The following CNTNAP2 variants were observed in gnomAD, a reference collection of about 807,000 sequenced individuals.
CNTNAP2 encodes the protein contactin-associated protein-like 2.
A neutral mutation model predicts 155.2 loss-of-function variants in CNTNAP2; 98 were observed. That is an observed-to-expected ratio of 0.63 (90% confidence interval 0.54 to 0.75). The LOEUF (loss-of-function observed/expected upper bound fraction) is 0.75. Among genes scored for constraint, CNTNAP2 ranks in the 30% least tolerant of loss-of-function variants. CNTNAP2 has a pLI of 0.00. For synonymous variants in CNTNAP2, 651 were observed against 631.2 expected (o/e 1.03, Z -0.47); for missense variants, 1,727 against 1,688.1 (o/e 1.02, Z -0.40).
At chr7:148,249,857 G>A (rs1392997447) in intron 20 of CNTNAP2, among the ~76,000 whole-genome samples, 1 of 152,126 alleles carries the variant, frequency 6.6e-6, no homozygotes, top group Non-Finnish European at 1.5e-5. Flanking sequence ...CTGCTGCTCG[G>A]GCTCCAGACT....
At chr7:146,791,578 G>T (rs572094676) in intron 2 of CNTNAP2, among the ~76,000 whole-genome samples, 1 of 152,332 alleles carries the variant, frequency 6.6e-6, no homozygotes, top group South Asian at 2.1e-4. Flanking sequence ...GAAGCACACA[G>T]TCAGTGGTTA....
At chr7:147,875,725 C>T (rs1799411019) in intron 13 of CNTNAP2, among the ~76,000 whole-genome samples, 1 of 152,016 alleles carries the variant, frequency 6.6e-6, no homozygotes, top group Non-Finnish European at 1.5e-5. Context: ...GACTCTGTCT[C>T]TACAAAAATA....
chr7:147,886,849 T>C (rs1385888591), intron 13 of CNTNAP2, among the ~76,000 whole-genome samples: 1 of 152,188 alleles, frequency 6.6e-6, no homozygotes, highest in African/African-American at 2.4e-5. Flanking sequence ...TGACATTTCT[T>C]TCAAAATGTT....
intron 14 of CNTNAP2, among the ~76,000 whole-genome samples, chr7:147,952,699 T>G (rs941950290): frequency 9.2e-5 from 14 of 152,070 alleles, no homozygotes; most frequent in African/African-American, 3.4e-4. Context: ...AATATGCACA[T>G]ACACACACAG....
intron 3 of CNTNAP2, among the ~76,000 whole-genome samples, chr7:147,010,507 C>T (rs372222501): frequency 3.3e-5 from 5 of 151,988 alleles, no homozygotes; most frequent in African/African-American, 1.2e-4. Context: ...AAGGAAATAC[C>T]AGAGGATGAT....
intron 9 of CNTNAP2, among the ~76,000 whole-genome samples, chr7:147,307,908 G>A (rs1018385564): frequency 3.9e-5 from 6 of 152,140 alleles, no homozygotes; most frequent in African/African-American, 1.4e-4. Context: ...TGTTCATGTT[G>A]AGGTAGTGAA....
chr7:146,265,012 G>A (rs1459757336), intron 1 of CNTNAP2, among the ~76,000 whole-genome samples: 1 of 152,150 alleles, frequency 6.6e-6, no homozygotes, highest in African/African-American at 2.4e-5. Flanking sequence ...ATACTTTAGG[G>A]GCTGAAAGGA....
intron 6 of CNTNAP2, 118 bp from the exon 7 acceptor site, chr7:147,128,575 T>C: frequency 8.9e-7 from 1 of 1,125,488 alleles, no homozygotes; most frequent in Non-Finnish European, 1.3e-6. Context: ...GGCAGAATGC[T>C]ATAATATTTG....
At chr7:148,279,747 T>G (rs1796939554) in intron 21 of CNTNAP2, among the ~76,000 whole-genome samples, 1 of 152,074 alleles carries the variant, frequency 6.6e-6, no homozygotes, top group South Asian at 2.1e-4. Context: ...TCAGAATATA[T>G]CTCCATTATA....
chr7:148,371,991 G>A (rs1004999541), intron 21 of CNTNAP2, among the ~76,000 whole-genome samples: 3 of 152,076 alleles, frequency 2.0e-5, no homozygotes, highest in Non-Finnish European at 4.4e-5. Flanking sequence ...ACAAGGTCAG[G>A]AGATCGAGAC....
intron 4 of CNTNAP2, among the ~76,000 whole-genome samples, chr7:147,048,380 G>A (rs1799409381): frequency 6.6e-6 from 1 of 152,168 alleles, no homozygotes; most frequent in Non-Finnish European, 1.5e-5. Flanking sequence ...TTTCTCTGGA[G>A]GGAATGTGAT....
intron 1 of CNTNAP2, among the ~76,000 whole-genome samples, chr7:146,480,113 T>C (rs1476387157): frequency 1.3e-5 from 2 of 152,160 alleles, no homozygotes; most frequent in East Asian, 3.9e-4. Context: ...CCTCTGGGAA[T>C]GAGGTAATGA....
chr7:146,925,128 T>C (rs1243900124), intron 3 of CNTNAP2, among the ~76,000 whole-genome samples: 2 of 152,116 alleles, frequency 1.3e-5, no homozygotes, highest in Non-Finnish European at 2.9e-5. Context: ...GAGAATATAA[T>C]AATATATGCA....
chr7:147,071,306 T>TTTATA (rs1799886770), intron 4 of CNTNAP2, among the ~76,000 whole-genome samples: 1 of 148,320 alleles, frequency 6.7e-6, no homozygotes, highest in Non-Finnish European at 1.5e-5. Flanking sequence ...AGCTAACAGG[T>TTTATA]ATAAAGCAGA....
chr7:147,001,798 A>AAAAATAAACAAAAT (rs1356944893), intron 3 of CNTNAP2, among the ~76,000 whole-genome samples: 1 of 152,058 alleles, frequency 6.6e-6, no homozygotes, highest in Non-Finnish European at 1.5e-5. Flanking sequence ...AACACTGAAT[A>AAAAATAAACAAAAT]AAAAAGAAAC....
intron 1 of CNTNAP2, among the ~76,000 whole-genome samples, chr7:146,289,401 AACAG>A (rs1800392992): frequency 1.3e-5 from 2 of 152,326 alleles, no homozygotes; most frequent in South Asian, 2.1e-4. Flanking sequence ...CATGGGAATT[AACAG>A]ACAATGAAAA....
chr7:147,364,741 C>G (rs867816293), intron 9 of CNTNAP2, among the ~76,000 whole-genome samples: 1 of 151,592 alleles, frequency 6.6e-6, no homozygotes, highest in Non-Finnish European at 1.5e-5. Context: ...CCCAGCTACT[C>G]GGGAGGCTGA....
intron 1 of CNTNAP2, among the ~76,000 whole-genome samples, chr7:146,768,127 A>G (rs924199304): frequency 1.3e-5 from 2 of 152,058 alleles, no homozygotes; most frequent in African/African-American, 4.8e-5. Context: ...TATAAATTAA[A>G]TTTAGACAAA....
intron 13 of CNTNAP2, among the ~76,000 whole-genome samples, chr7:147,795,466 T>C (rs1023279146): frequency 1.3e-5 from 2 of 152,166 alleles, no homozygotes; most frequent in Non-Finnish European, 2.9e-5. Context: ...TTCTCCTGTT[T>C]GTCTTTTCAT....
Sources: allele counts gnomAD v4.1 joint callset (sites outside exome capture counted in the v4.1 genomes callset), GRCh38; gene constraint gnomAD v4.1.1; transcripts MANE v1.5; gene names NCBI Gene and HGNC (gene_info 2026-07-23, HGNC 2026-07-21).